PCDHGB4: variants seen among roughly 807,000 people sequenced by gnomAD.
The protein encoded by PCDHGB4 is protocadherin gamma subfamily B, 4.
PCDHGB4 carries 38 observed loss-of-function variants against 60.5 expected under a neutral mutation model. That is an observed-to-expected ratio of 0.63 (90% CI 0.48 to 0.82). The LOEUF is 0.82. Among genes scored for constraint, PCDHGB4 ranks in the 40% least tolerant of loss-of-function variants. PCDHGB4 has a pLI of 0.00. For missense variants in PCDHGB4, 1,109 were observed against 1,209.6 expected (o/e 0.92, Z 1.23); for synonymous variants, 456 against 509.7 (o/e 0.89, Z 1.42).
chr5:141,469,128 T>C (rs567164869), intron 1 of PCDHGB4, among the ~76,000 whole-genome samples: 1 of 151,692 alleles, frequency 6.6e-6, no homozygotes, highest in East Asian at 1.9e-4. Context: ...ATTTAAAAAT[T>C]AGCCAGAAAT....
At chr5:141,404,806 G>A (rs774487660) in intron 1 of PCDHGB4, 29 of 1,613,874 alleles carry the variant, frequency 1.8e-5, no homozygotes, top group South Asian at 1.3e-4. Context: ...GGCTCTTCTC[G>A]GTGGGGCTGC....
chr5:141,414,185 T>C lies in PCDHGB4; in HGVS notation c.2397+23904T>C, dbSNP rs374044785. ...GGAGCATATCTTGCAACTGCAAAAG[T>C]GTTGATTACAGTAGAAGATGTAAAT... On this transcript the variant is annotated intron_variant, in intron 1 of 3. Transcript: ENST00000519479. The C allele has an allele frequency of 1.2e-5, 19 of 1,609,558 alleles. No homozygotes were observed. The highest frequency in any genetic ancestry group is 1.6e-5 in the Non-Finnish European group (19 of 1,177,778).
At chr5:141,410,086 G>T in intron 1 of PCDHGB4, 1 of 1,612,588 alleles carries the variant, frequency 6.2e-7, no homozygotes, top group Non-Finnish European at 8.5e-7. Flanking sequence ...AGGTGCGCAC[G>T]GCTCGAGCCT....
At chr5:141,395,374 T>G (rs145897132) in intron 1 of PCDHGB4, 6 of 1,187,780 alleles carry the variant, frequency 5.1e-6, no homozygotes, top group Non-Finnish European at 6.9e-6. Flanking sequence ...ATTTTGGTGG[T>G]GTTACTATAA....
chr5:141,419,715 T>A, intron 1 of PCDHGB4: 5 of 1,613,288 alleles, frequency 3.1e-6, no homozygotes, highest in Non-Finnish European at 4.2e-6. Context: ...CTCTTCAGCC[T>A]GGGGCTGCGA....
Position 141,476,642 on chromosome 5 carries a change from C to G in PCDHGB4, c.2398-18165C>G. 6.2e-7 allele frequency: 1 copy of G among 1,614,240 alleles called. No homozygotes were observed. The highest frequency in any genetic ancestry group is 8.5e-7 in the Non-Finnish European group (1 of 1,180,050). ...CTCTTTACAAACCTATGAGCTGAGC[C>G]GAAATGAATACTTTGCGCTTCGCGT... On this transcript the variant is annotated intron_variant, in intron 1 of 3. Transcript: ENST00000519479. This position sits in a 1 kb window ranked among gnomAD's most constrained non-coding sequence, Gnocchi z 7.6.
At chr5:141,460,724 A>C (rs1294708205) in intron 1 of PCDHGB4, among the ~76,000 whole-genome samples, 1 of 152,114 alleles carries the variant, frequency 6.6e-6, no homozygotes, top group African/African-American at 2.4e-5. Context: ...TGTTATAAGC[A>C]TATATACACA....
chr5:141,398,356 G>C (rs1242233046), intron 1 of PCDHGB4: 7 of 1,409,380 alleles, frequency 5.0e-6, no homozygotes, highest in East Asian at 2.4e-5. Context: ...TTACTTCACC[G>C]TGAGCGCAGA....
chr5:141,436,878 G>T (rs914354261), intron 1 of PCDHGB4, among the ~76,000 whole-genome samples: 1 of 152,216 alleles, frequency 6.6e-6, no homozygotes, highest in African/African-American at 2.4e-5. Context: ...GGCCATAAAA[G>T]ATGGGGGAAA....
At chr5:141,479,486 A>T (rs72790065) in intron 1 of PCDHGB4, 21,264 of 152,292 alleles carry the variant, frequency 0.14, 1,529 homozygotes, top group Admixed American at 0.16. Context: ...GGGCAGGACC[A>T]TCAGGTTGCC....
Position 141,432,670 on chromosome 5 carries a change from G to A in PCDHGB4, c.2397+42389G>A, listed in dbSNP as rs749221752. ...CGCGAGCCCTGCTGGACAGAGACGC[G>A]CTCAAGCAGAGCCTCGTAGTGGCCG... On this transcript the variant is annotated intron_variant, in intron 1 of 3. Coordinates refer to ENST00000519479, the MANE Select transcript of PCDHGB4 (RefSeq NM_003736.4). The surrounding 1 kb of genome is among the most constrained non-coding windows in gnomAD (Gnocchi z 6.0). The A allele has an allele frequency of 6.8e-6, 11 of 1,613,748 alleles. No individual in the cohort carries two copies. The East Asian group carries it at 1.8e-4, about 26-fold the overall frequency.
chr5:141,441,036 A>G (rs2098219746), intron 1 of PCDHGB4: 1 of 152,216 alleles, frequency 6.6e-6, no homozygotes, highest in South Asian at 2.1e-4. Context: ...TGAAAACTTT[A>G]AGTACATTGG....
intron 3 of PCDHGB4, among the ~76,000 whole-genome samples, chr5:141,509,064 C>T (rs890846779): frequency 6.6e-6 from 1 of 152,184 alleles, no homozygotes; most frequent in African/African-American, 2.4e-5. Flanking sequence ...AAGCTCTCAG[C>T]TCCGGGGATT....
In PCDHGB4 at chr5:141,490,291, C is replaced by T; in HGVS notation, c.2398-4516C>T. 6.2e-7 allele frequency: 1 copy of T among 1,614,212 alleles called. No homozygotes were observed. Among genetic ancestry groups the T allele is most frequent in the Non-Finnish European group, 8.5e-7 (1 of 1,180,048 alleles). On this transcript the variant is annotated intron_variant, in intron 1 of 3. Transcript: ENST00000519479. The surrounding 1 kb of genome is among the most constrained non-coding windows in gnomAD (Gnocchi z 5.4). ...TGTCAATGACAATGCCCCAGAGGTG[C>T]TATTGGCCTCTTTGGCCAACCCTGT...
At chr5:141,408,115 C>T (rs2095044760) in intron 1 of PCDHGB4, 1 of 1,461,312 alleles carries the variant, frequency 6.8e-7, no homozygotes, top group Non-Finnish European at 9.1e-7. Context: ...GGGACTCCTC[C>T]TGTCCTGGGC....
intron 1 of PCDHGB4, chr5:141,418,389 AT>A (rs1429903562): frequency 5.6e-6 from 9 of 1,613,878 alleles, no homozygotes; most frequent in Non-Finnish European, 6.8e-6. Flanking sequence ...CCTAACGAGT[AT>A]TTCTCATTGG....
rs749432491 is a variant in PCDHGB4, at chr5:141,389,513, C to G, written c.1629C>G (p.Asn543Lys). 1.2e-6 allele frequency: 2 copies of G among 1,613,038 alleles called. No individual in the cohort carries two copies. The highest frequency in any genetic ancestry group is 1.3e-5 in the African/African-American group (1 of 74,942). Reference protein sequence around the residue: ...RDQGSPALSANVSLRVLVDDR... With the variant: ...RDQGSPALSAKVSLRVLVDDR... The stretch of plus-strand genomic sequence containing the variant: ...AGGGCTCGCCAGCGCTCAGCGCGAA[C>G]GTGAGCCTGCGCGTGTTAGTGGACG... Residue 543 changes from asparagine (N) to lysine (K), a missense_variant, in exon 1 of 4, where the codon AAC (asparagine) becomes AAG (lysine). Asn to Lys is a moderately conservative substitution (Grantham distance 94, BLOSUM62 0). This residue lies in a region of PCDHGB4 where 1,068 missense variants were observed against 1,089.9 expected (regional missense o/e 0.98). Coordinates refer to ENST00000519479, the MANE Select transcript of PCDHGB4 (RefSeq NM_003736.4).
intron 1 of PCDHGB4, among the ~76,000 whole-genome samples, chr5:141,401,410 A>C (rs536817103): frequency 6.6e-6 from 1 of 152,236 alleles, no homozygotes; most frequent in South Asian, 2.1e-4. Flanking sequence ...TGAGAGAGAA[A>C]GAGAGAGACT....
chr5:141,403,215 G>A (rs2150961720), intron 1 of PCDHGB4: 1 of 1,613,996 alleles, frequency 6.2e-7, no homozygotes, highest in South Asian at 1.1e-5. Flanking sequence ...GTCACCGCGG[G>A]TAGGATAGAC....
Sources: allele counts gnomAD v4.1 joint callset (sites outside exome capture counted in the v4.1 genomes callset), GRCh38; gene constraint gnomAD v4.1.1; regional missense constraint gnomAD v4.1.1; non-coding constraint Gnocchi (gnomAD v3.1); transcripts MANE v1.5; gene names NCBI Gene and HGNC (gene_info 2026-07-23, HGNC 2026-07-21).